LRRC4C: variants seen among roughly 807,000 people sequenced by gnomAD.
LRRC4C encodes leucine-rich repeat-containing protein 4C.
LRRC4C carries 5 observed loss-of-function variants against 33.6 expected under a neutral mutation model. The ratio of observed to expected loss-of-function variants is 0.15; its 90% confidence interval spans 0.08 to 0.31. The LOEUF (loss-of-function observed/expected upper bound fraction) is 0.31. Ranked by LOEUF, LRRC4C falls within the 10% of genes least tolerant of loss-of-function variation. The pLI, the probability that LRRC4C is intolerant of heterozygous loss-of-function variation, is 1.00. For missense variants in LRRC4C, 560 were observed against 796.7 expected (o/e 0.70, Z 3.58); for synonymous variants, 329 against 302.0 (o/e 1.09, Z -0.93).
At chr11:41,379,608 C>T (rs1953067560) in intron 1 of LRRC4C, among the ~76,000 whole-genome samples, 1 of 152,044 alleles carries the variant, frequency 6.6e-6, no homozygotes, top group African/African-American at 2.4e-5. Context: ...CTTCCCTAGC[C>T]TTGAGCCTAC....
At chr11:40,192,255 C>G (rs1368574280) in intron 5 of LRRC4C, among the ~76,000 whole-genome samples, 2 of 152,006 alleles carry the variant, frequency 1.3e-5, no homozygotes, top group African/African-American at 2.4e-5. Flanking sequence ...TTCTGCTTTT[C>G]CAGTGAGGTA....
At chr11:41,431,331 A>C (rs901845134) in intron 1 of LRRC4C, among the ~76,000 whole-genome samples, 2 of 152,000 alleles carry the variant, frequency 1.3e-5, no homozygotes, top group African/African-American at 4.8e-5. Context: ...TCATAATCTC[A>C]GACACTTACT....
At chr11:41,197,576 A>G (rs1946233932) in intron 1 of LRRC4C, among the ~76,000 whole-genome samples, 1 of 152,010 alleles carries the variant, frequency 6.6e-6, no homozygotes. Flanking sequence ...GAAATTCTTT[A>G]CTAGCAAAAT....
intron 1 of LRRC4C, among the ~76,000 whole-genome samples, chr11:41,093,403 A>T (rs975756406): frequency 6.6e-6 from 1 of 152,222 alleles, no homozygotes; most frequent in South Asian, 2.1e-4. Context: ...AAACACTATC[A>T]CATTTATGGT....
intron 1 of LRRC4C, among the ~76,000 whole-genome samples, chr11:41,101,941 A>G (rs971028211): frequency 6.6e-6 from 1 of 152,008 alleles, no homozygotes; most frequent in Non-Finnish European, 1.5e-5. Context: ...TAAGAACACA[A>G]TGACACAAAG....
intron 1 of LRRC4C, among the ~76,000 whole-genome samples, chr11:41,128,260 T>C (rs1432635440): frequency 1.4e-5 from 2 of 139,560 alleles, no homozygotes; most frequent in Non-Finnish European, 1.5e-5. Context: ...GAATCTGTCA[T>C]ACCTCCAAAA....
intron 3 of LRRC4C, among the ~76,000 whole-genome samples, chr11:40,439,743 G>C (rs1039099986): frequency 1.3e-5 from 2 of 151,990 alleles, no homozygotes; most frequent in Non-Finnish European, 2.9e-5. Context: ...TGAGCCACCG[G>C]GCCCGGCCCC....
At chr11:41,321,156 A>T (rs1035053363) in intron 1 of LRRC4C, among the ~76,000 whole-genome samples, 1 of 152,188 alleles carries the variant, frequency 6.6e-6, no homozygotes, top group Non-Finnish European at 1.5e-5. Context: ...CTGATTAGCA[A>T]CTTTAATTAC....
intron 1 of LRRC4C, among the ~76,000 whole-genome samples, chr11:41,170,735 A>G (rs1266911463): frequency 6.6e-6 from 1 of 152,206 alleles, no homozygotes; most frequent in African/African-American, 2.4e-5. Context: ...CAATGGCAAC[A>G]AAAGCCAAAA....
chr11:40,506,417 G>T (rs931238444), intron 3 of LRRC4C, among the ~76,000 whole-genome samples: 1 of 152,098 alleles, frequency 6.6e-6, no homozygotes, highest in Non-Finnish European at 1.5e-5. Flanking sequence ...TTCAGTAAAC[G>T]GAATTAGCGT....
At chr11:41,220,208 T>C (rs1043556593) in intron 1 of LRRC4C, among the ~76,000 whole-genome samples, 3 of 152,174 alleles carry the variant, frequency 2.0e-5, no homozygotes, top group Non-Finnish European at 4.4e-5. Context: ...ATGCTCTACA[T>C]GGCTTTACAT....
chr11:40,483,614 A>C (rs955627812), intron 3 of LRRC4C, among the ~76,000 whole-genome samples: 1 of 152,102 alleles, frequency 6.6e-6, no homozygotes, highest in African/African-American at 2.4e-5. Context: ...AAATGGAAGA[A>C]GACAAAATTA....
intron 1 of LRRC4C, among the ~76,000 whole-genome samples, chr11:41,327,755 G>C (rs1473874710): frequency 5.3e-5 from 8 of 152,126 alleles, no homozygotes; most frequent in Non-Finnish European, 7.3e-5. Flanking sequence ...TCATGAAAGT[G>C]AATAAGTGTC....
intron 2 of LRRC4C, among the ~76,000 whole-genome samples, chr11:40,709,357 C>T (rs1946343443): frequency 6.6e-6 from 1 of 152,078 alleles, no homozygotes. Flanking sequence ...TGTTCTTTTC[C>T]ATGTTTAGTG....
chr11:40,279,873 A>C (rs1039956689), intron 4 of LRRC4C, among the ~76,000 whole-genome samples: 4 of 152,208 alleles, frequency 2.6e-5, no homozygotes, highest in African/African-American at 9.7e-5. Flanking sequence ...TTATGGGACT[A>C]TGCTCTGGGA....
intron 3 of LRRC4C, among the ~76,000 whole-genome samples, chr11:40,404,687 G>A (rs1273097387): frequency 6.6e-6 from 1 of 151,924 alleles, no homozygotes; most frequent in Non-Finnish European, 1.5e-5. Context: ...CCATAGCCAA[G>A]GGTATGTTCT....
At chr11:40,640,933 G>C (rs1023989617) in intron 3 of LRRC4C, among the ~76,000 whole-genome samples, 2 of 148,208 alleles carry the variant, frequency 1.3e-5, no homozygotes, top group Non-Finnish European at 3.0e-5. Flanking sequence ...GAAGAATGGC[G>C]TGAACCTGGG....
chr11:41,185,478 G>C (rs1252083826), intron 1 of LRRC4C, among the ~76,000 whole-genome samples: 1 of 152,158 alleles, frequency 6.6e-6, no homozygotes, highest in Admixed American at 6.5e-5. Flanking sequence ...AAGTAAAACA[G>C]AAAATCTGCA....
intron 3 of LRRC4C, among the ~76,000 whole-genome samples, chr11:40,360,830 T>C (rs759319470): frequency 2.6e-5 from 4 of 152,168 alleles, no homozygotes; most frequent in Non-Finnish European, 5.9e-5. Flanking sequence ...CTTTGATGAA[T>C]ATCAATGTAA....
Sources: allele counts gnomAD v4.1 joint callset (sites outside exome capture counted in the v4.1 genomes callset), GRCh38; gene constraint gnomAD v4.1.1; transcripts MANE v1.5; gene names NCBI Gene and HGNC (gene_info 2026-07-23, HGNC 2026-07-21).